Variants in GBE1 observed in about 807,000 individuals in gnomAD.
GBE1 encodes the protein 1,4-alpha-glucan-branching enzyme.
A neutral mutation model predicts 88.8 loss-of-function variants in GBE1; 70 were observed. That is an observed-to-expected ratio of 0.79 (90% confidence interval 0.65 to 0.96). GBE1 has a LOEUF of 0.96. Among genes scored for constraint, GBE1 ranks in the 40% least tolerant of loss-of-function variants. The probability of loss-of-function intolerance (pLI) is 0.00; values close to 1 mark genes in which losing one functional copy is unlikely to be tolerated. For synonymous variants in GBE1, 284 were observed against 300.1 expected, an observed-to-expected ratio of 0.95 and a Z score of 0.56; for missense variants, 872 against 871.0, an observed-to-expected ratio of 1.00 and a Z score of -0.01.
chr3:81,640,863 T>C (rs1704668386), intron 7 of GBE1, among the ~76,000 whole-genome samples: 1 of 151,936 alleles, frequency 6.6e-6, no homozygotes, highest in South Asian at 2.1e-4. Context: ...TAAATTAAGC[T>C]AAAACTATAG....
At chr3:81,756,651 CAGA>C in intron 1 of GBE1, among the ~76,000 whole-genome samples, 1 of 152,198 alleles carries the variant, frequency 6.6e-6, no homozygotes, top group Middle Eastern at 3.4e-3. Context: ...TCAACCAGCC[CAGA>C]AGAAGCTTTG....
At chr3:81,717,071 C>A (rs1705947475) in intron 1 of GBE1, among the ~76,000 whole-genome samples, 1 of 152,190 alleles carries the variant, frequency 6.6e-6, no homozygotes, top group Admixed American at 6.5e-5. Flanking sequence ...CTGTTCAGGT[C>A]TTTGCTACAT....
At chr3:81,645,793 T>C (rs1346191745) in intron 6 of GBE1, among the ~76,000 whole-genome samples, 1 of 152,210 alleles carries the variant, frequency 6.6e-6, no homozygotes, top group African/African-American at 2.4e-5. Flanking sequence ...TTATTACAGT[T>C]AAAAATAATA....
At chr3:81,675,307 G>T (rs1559684067) in intron 2 of GBE1, among the ~76,000 whole-genome samples, 1 of 152,058 alleles carries the variant, frequency 6.6e-6, no homozygotes, top group Non-Finnish European at 1.5e-5. Flanking sequence ...ATCCTTTGAG[G>T]CTAGTGTTAA....
chr3:81,584,005 A>G (rs757386609), intron 10 of GBE1, among the ~76,000 whole-genome samples: 3 of 152,082 alleles, frequency 2.0e-5, no homozygotes, highest in Admixed American at 6.6e-5. Flanking sequence ...TAGAAAAACT[A>G]TATTTATTAA....
chr3:81,728,470 T>C (rs1337941591), intron 1 of GBE1, among the ~76,000 whole-genome samples: 8 of 152,186 alleles, frequency 5.3e-5, no homozygotes, highest in Admixed American at 5.2e-4. Flanking sequence ...CATCCAACTT[T>C]TCCTCTAAGA....
chr3:81,546,922 T>C (rs934063354), intron 12 of GBE1, among the ~76,000 whole-genome samples: 3 of 151,116 alleles, frequency 2.0e-5, no homozygotes, highest in African/African-American at 2.4e-5. Context: ...TCAGGACCCC[T>C]TTCCGGTAAC....
chr3:81,515,064 C>T (rs1473960713), intron 14 of GBE1, among the ~76,000 whole-genome samples: 3 of 151,456 alleles, frequency 2.0e-5, no homozygotes, highest in Non-Finnish European at 3.0e-5. Flanking sequence ...AGGAAAGGCT[C>T]AATGTGAAAT....
chr3:81,527,424 T>C (rs1702957255), intron 14 of GBE1, among the ~76,000 whole-genome samples: 1 of 151,900 alleles, frequency 6.6e-6, no homozygotes, highest in Non-Finnish European at 1.5e-5. Context: ...ACCATCAGAG[T>C]GAACAGGCAA....
intron 1 of GBE1, among the ~76,000 whole-genome samples, chr3:81,754,621 AAC>A (rs553536347): frequency 2.6e-5 from 4 of 152,162 alleles, no homozygotes; most frequent in Non-Finnish European, 4.4e-5. Context: ...CTGGCATAAA[AAC>A]AGACACATAG....
At chr3:81,645,571 T>C (rs571525449) in intron 6 of GBE1, among the ~76,000 whole-genome samples, 1 of 152,268 alleles carries the variant, frequency 6.6e-6, no homozygotes, top group East Asian at 1.9e-4. Flanking sequence ...GTATTATAGA[T>C]AACTTATTGA....
chr3:81,649,971 A>G, intron 3 of GBE1, 50 bp from the exon 4 acceptor site: 1 of 1,457,140 alleles, frequency 6.9e-7, no homozygotes, highest in African/African-American at 1.4e-5. Context: ...CAGAACTCTG[A>G]TAATACATAA....
chr3:81,520,074 C>T (rs1702852023), intron 14 of GBE1, among the ~76,000 whole-genome samples: 1 of 151,486 alleles, frequency 6.6e-6, no homozygotes, highest in Admixed American at 6.6e-5. Context: ...TAACCTTTAC[C>T]TGCCATGGGC....
chr3:81,705,695 G>T, intron 1 of GBE1, 82 bp from the exon 2 acceptor site: 1 of 847,032 alleles, frequency 1.2e-6, no homozygotes, highest in Non-Finnish European at 1.7e-6. Context: ...AACTGCTTTA[G>T]TCTTATTCAG....
intron 2 of GBE1, among the ~76,000 whole-genome samples, chr3:81,676,698 TG>T (rs1559684479): frequency 6.6e-6 from 1 of 152,096 alleles, no homozygotes; most frequent in Non-Finnish European, 1.5e-5. Context: ...CGTGCAGGTT[TG>T]TTACATAGGT....
intron 3 of GBE1, among the ~76,000 whole-genome samples, chr3:81,663,967 C>T (rs760651781): frequency 5.9e-5 from 9 of 152,126 alleles, no homozygotes; most frequent in East Asian, 1.9e-4. Context: ...TGTGCACATT[C>T]GGAATCAGCT....
chr3:81,702,879 G>C (rs138704808), intron 2 of GBE1, among the ~76,000 whole-genome samples: 2 of 151,794 alleles, frequency 1.3e-5, no homozygotes, highest in Admixed American at 6.6e-5. Context: ...CACACACAGC[G>C]CAACTTTTAA....
intron 3 of GBE1, among the ~76,000 whole-genome samples, chr3:81,654,415 G>A (rs1195371732): frequency 2.0e-5 from 3 of 152,108 alleles, no homozygotes; most frequent in Non-Finnish European, 4.4e-5. Flanking sequence ...GAAAATTACT[G>A]AGATAATATG....
intron 3 of GBE1, among the ~76,000 whole-genome samples, chr3:81,667,657 G>C (rs1158010030): frequency 1.3e-5 from 2 of 152,120 alleles, no homozygotes; most frequent in Non-Finnish European, 2.9e-5. Context: ...TAACATGAAG[G>C]GATGTTGAAT....
Sources: gnomAD v4.1 joint callset for allele counts (sites outside exome capture counted in the v4.1 genomes callset) on GRCh38, gnomAD v4.1.1 for gene constraint, MANE v1.5 for transcripts, NCBI Gene and HGNC (gene_info 2026-07-23, HGNC 2026-07-21) for gene names.